The following GHR variants were observed in gnomAD, a reference collection of about 807,000 sequenced individuals.
The protein encoded by GHR is GH receptor.
GHR carries 35 observed loss-of-function variants against 67.1 expected under a neutral mutation model. The ratio of observed to expected loss-of-function variants is 0.52; its 90% CI spans 0.40 to 0.69. The LOEUF is 0.69. Among genes scored for constraint, GHR ranks in the 30% least tolerant of loss-of-function variants. The pLI is 0.00. For missense variants in GHR, 792 were observed against 764.6 expected (o/e 1.04, Z -0.42); for synonymous variants, 272 against 269.1 (o/e 1.01, Z -0.10).
At chr5:42,650,493 A>G (rs1044131960) in intron 3 of GHR, among the ~76,000 whole-genome samples, 2 of 151,500 alleles carry the variant, frequency 1.3e-5, no homozygotes, top group African/African-American at 4.8e-5. Flanking sequence ...TAATTCCAAA[A>G]GAAGAGGTTT....
chr5:42,510,557 T>C (rs4346776), intron 1 of GHR, among the ~76,000 whole-genome samples: 1,652 of 152,294 alleles, frequency 0.011, 32 homozygotes, highest in African/African-American at 0.037. Context: ...ACGATTGGAA[T>C]AGAACACTCA....
chr5:42,487,578 A>G (rs1193400973), intron 1 of GHR, among the ~76,000 whole-genome samples: 1 of 152,206 alleles, frequency 6.6e-6, no homozygotes, highest in Non-Finnish European at 1.5e-5. Context: ...CTACAAATCA[A>G]CAGAAGCGAC....
intron 1 of GHR, among the ~76,000 whole-genome samples, chr5:42,520,227 T>C (rs1453659300): frequency 6.6e-6 from 1 of 152,084 alleles, no homozygotes; most frequent in Admixed American, 6.5e-5. Context: ...AAGTCACACA[T>C]AGGTTAACAG....
At chr5:42,558,722 C>G (rs1358557184) in intron 1 of GHR, among the ~76,000 whole-genome samples, 1 of 152,142 alleles carries the variant, frequency 6.6e-6, no homozygotes, top group Non-Finnish European at 1.5e-5. Flanking sequence ...GCTATACCAT[C>G]TAGGTTTGTG....
Position 42,424,481 on chromosome 5 carries a change from G to T in GHR, c.-12+526G>T, listed in dbSNP as rs1742755506. ...AGACTGGGGAGGTCGAGCTGTGCGC[G>T]TGGACACAGCGCGCAGAGCGCGCGG... On this transcript the variant is annotated intron_variant, in intron 1 of 9. Coordinates refer to ENST00000230882, the MANE Select transcript of GHR (RefSeq NM_000163.5). The surrounding 1 kb of genome is among the most constrained non-coding windows in gnomAD (Gnocchi z 4.1). 1 of 918,856 alleles carries T rather than the reference G, an allele frequency of 1.1e-6. No homozygotes were observed. Among genetic ancestry groups the T allele is most frequent in the Non-Finnish European group, 1.7e-6 (1 of 586,578 alleles). The allele number at this position is 918,856 out of a possible 1,614,324, so 56.9% of individuals were successfully genotyped here. A position where few individuals can be genotyped will look rare whatever the true frequency, so the allele number is the denominator to read the frequency against.
At chr5:42,535,461 A>G (rs13160458) in intron 1 of GHR, among the ~76,000 whole-genome samples, 53,124 of 151,778 alleles carry the variant, frequency 0.35, 10,567 homozygotes, top group African/African-American at 0.54. Flanking sequence ...AAAATCAGTT[A>G]GCTGTAATAT....
intron 1 of GHR, among the ~76,000 whole-genome samples, chr5:42,442,838 A>G (rs575136583): frequency 6.6e-6 from 1 of 152,360 alleles, no homozygotes; most frequent in African/African-American, 2.4e-5. Context: ...CACTGAAATT[A>G]CACATTTTCT....
chr5:42,564,000 C>T (rs533944841), intron 1 of GHR, among the ~76,000 whole-genome samples: 79 of 151,868 alleles, frequency 5.2e-4, no homozygotes, highest in African/African-American at 1.7e-3. Flanking sequence ...GCAAAGTAGA[C>T]GAGGATGATG....
At chr5:42,584,998 G>A (rs1266194817) in intron 2 of GHR, among the ~76,000 whole-genome samples, 1 of 152,102 alleles carries the variant, frequency 6.6e-6, no homozygotes, top group African/African-American at 2.4e-5. Context: ...TAAAAATTTT[G>A]TTACCTTGGC....
At chr5:42,643,539 C>A (rs1413990401) in intron 3 of GHR, among the ~76,000 whole-genome samples, 3 of 152,180 alleles carry the variant, frequency 2.0e-5, no homozygotes, top group Non-Finnish European at 4.4e-5. Flanking sequence ...CGACCTCTCC[C>A]TGGATATGAG....
chr5:42,563,624 CA>C (rs1168788232), intron 1 of GHR, among the ~76,000 whole-genome samples: 9,391 of 44,816 alleles, frequency 0.21, 160 homozygotes, highest in Non-Finnish European at 0.25. Context: ...GACTCCGTCT[CA>C]AAAAAAAAAA....
At chr5:42,539,927 G>A (rs184157940) in intron 1 of GHR, among the ~76,000 whole-genome samples, 42 of 152,172 alleles carry the variant, frequency 2.8e-4, no homozygotes, top group African/African-American at 6.0e-4. Context: ...TATTAAGTAC[G>A]CTATTAAGTA....
intron 1 of GHR, among the ~76,000 whole-genome samples, chr5:42,512,774 G>A (rs2112271048): frequency 6.6e-6 from 1 of 151,436 alleles, no homozygotes; most frequent in Admixed American, 6.6e-5. Flanking sequence ...TGGTTACCAT[G>A]ATGGCACAAG....
At chr5:42,577,845 A>G (rs756374380) in intron 2 of GHR, among the ~76,000 whole-genome samples, 6 of 152,228 alleles carry the variant, frequency 3.9e-5, no homozygotes, top group Non-Finnish European at 7.3e-5. Context: ...GAATCAAACC[A>G]TGAACTTGCT....
chr5:42,548,327 G>A, intron 1 of GHR: 1 of 985,202 alleles, frequency 1.0e-6, no homozygotes, highest in Non-Finnish European at 1.2e-6. Context: ...ATTAATACAT[G>A]CCAAGTGGTA....
intron 3 of GHR, among the ~76,000 whole-genome samples, chr5:42,639,859 A>G (rs1754379300): frequency 6.6e-6 from 1 of 152,178 alleles, no homozygotes; most frequent in Non-Finnish European, 1.5e-5. Flanking sequence ...TGGTTTAGCC[A>G]GGGCCTTACA....
At chr5:42,580,321 A>G (rs1278142450) in intron 2 of GHR, among the ~76,000 whole-genome samples, 1 of 152,162 alleles carries the variant, frequency 6.6e-6, no homozygotes, top group Non-Finnish European at 1.5e-5. Flanking sequence ...CTCTATGGTC[A>G]TGCTGCTTGC....
intron 1 of GHR, among the ~76,000 whole-genome samples, chr5:42,559,749 C>T (rs575044978): frequency 6.6e-6 from 1 of 152,236 alleles, no homozygotes; most frequent in South Asian, 2.1e-4. Flanking sequence ...GCTTTTTCTT[C>T]CTCACTCATA....
rs1749526444 is a variant in GHR, at chr5:42,560,188, C to T, written c.-11-5676C>T. 2.6e-5 allele frequency among the ~76,000 whole-genome samples: 4 copies of T among 152,072 alleles called. No homozygotes were observed. In the South Asian group the frequency reaches 8.3e-4, roughly 32 times the overall value. ...TATGAGCATATTATTCCCTGTGTGG[C>T]TTAATAAACTGTTTTTTCTTTTTTG... is the stretch of plus-strand genomic sequence containing the variant. On this transcript the variant is annotated intron_variant, in intron 1 of 9. Coordinates refer to ENST00000230882, the MANE Select transcript of GHR (RefSeq NM_000163.5).
Sources: gnomAD v4.1 joint callset for allele counts (sites outside exome capture counted in the v4.1 genomes callset) on GRCh38, gnomAD v4.1.1 for gene constraint, Gnocchi (gnomAD v3.1) non-coding constraint, MANE v1.5 for transcripts, NCBI Gene and HGNC (gene_info 2026-07-23, HGNC 2026-07-21) for gene names.